The following MRTFA variants were observed in gnomAD, a reference collection of about 807,000 sequenced individuals.
MRTFA encodes the protein myocardin-related transcription factor A.
MRTFA carries 20 observed loss-of-function variants against 83.5 expected under a neutral mutation model. That is an observed-to-expected ratio of 0.24 (90% CI 0.17 to 0.35). The LOEUF (loss-of-function observed/expected upper bound fraction) is 0.35. MRTFA is among the 10% of genes least tolerant of loss of function. The pLI, the probability that MRTFA is intolerant of heterozygous loss-of-function variation, is 1.00. For missense variants in MRTFA, 1,200 were observed against 1,224.7 expected, an observed-to-expected ratio of 0.98 and a Z score of 0.30; for synonymous variants, 659 against 541.2, an observed-to-expected ratio of 1.22 and a Z score of -3.02.
At chr22:40,498,489 T>C (rs918674582) in intron 3 of MRTFA, among the ~76,000 whole-genome samples, 2 of 151,040 alleles carry the variant, frequency 1.3e-5, no homozygotes, top group African/African-American at 4.9e-5. Flanking sequence ...TTCACCATGT[T>C]GCGCAGGTTG....
At chr22:40,466,269 G>A (rs1477241420) in intron 3 of MRTFA, among the ~76,000 whole-genome samples, 1 of 152,204 alleles carries the variant, frequency 6.6e-6, no homozygotes, top group East Asian at 1.9e-4. Flanking sequence ...GTGCTACTAT[G>A]TGTCAGACCC....
intron 4 of MRTFA, among the ~76,000 whole-genome samples, chr22:40,440,841 C>T (rs539580948): frequency 2.0e-5 from 3 of 152,070 alleles, no homozygotes; most frequent in Non-Finnish European, 2.9e-5. Flanking sequence ...AGGTAAGACA[C>T]GAGGAAGCAG....
At chr22:40,596,880 C>T (rs2056199140) in intron 1 of MRTFA, among the ~76,000 whole-genome samples, 1 of 151,938 alleles carries the variant, frequency 6.6e-6, no homozygotes, top group Non-Finnish European at 1.5e-5. Context: ...GAGGCTGAGG[C>T]ATGAGAATCA....
chr22:40,489,330 T>C (rs2054229841), intron 3 of MRTFA, among the ~76,000 whole-genome samples: 2 of 151,956 alleles, frequency 1.3e-5, no homozygotes, highest in Admixed American at 6.6e-5. Context: ...TGTGTATCTG[T>C]AGAAGACATA....
chr22:40,459,830 C>CATACATATATATATAT (rs1555973834), intron 4 of MRTFA, among the ~76,000 whole-genome samples: 2 of 86,952 alleles, frequency 2.3e-5, no homozygotes, highest in African/African-American at 4.9e-5. Context: ...CACATATATA[C>CATACATATATATATAT]ATATATATAT....
intron 1 of MRTFA, among the ~76,000 whole-genome samples, chr22:40,629,067 A>C (rs2056611885): frequency 6.6e-6 from 1 of 151,968 alleles, no homozygotes; most frequent in African/African-American, 2.4e-5. Context: ...AGGCAGGAGG[A>C]TTGCTGTGGC....
At chr22:40,583,643 G>A (rs2055981911) in intron 2 of MRTFA, among the ~76,000 whole-genome samples, 1 of 152,212 alleles carries the variant, frequency 6.6e-6, no homozygotes, top group African/African-American at 2.4e-5. Context: ...CAGATCAGCA[G>A]TGGCATTAGA....
Position 40,411,825 on chromosome 22 carries a change from C to T in MRTFA, c.2661G>A (p.Leu887=). Residue 887 remains leucine, a synonymous_variant, in exon 15 of 15, where the codon CTG becomes CTA. Transcript: ENST00000355630. ...CAGCAGAAGGTGATGGCTGTGCTGCCAGGGGGGACCCACAGACTGTCTTCG... is the reference window on the plus strand; with the variant it reads ...CAGCAGAAGGTGATGGCTGTGCTGCTAGGGGGGACCCACAGACTGTCTTCG... The T allele has an allele frequency of 6.6e-7, 1 of 1,513,536 alleles. No individual in the cohort carries two copies. The highest frequency in any genetic ancestry group is 8.9e-7 in the Non-Finnish European group (1 of 1,127,914). The allele number at this position is 1,513,536 out of a possible 1,614,324, so 93.8% of individuals were successfully genotyped here. A position where few individuals can be genotyped will look rare whatever the true frequency, so the allele number is the denominator to read the frequency against.
chr22:40,426,973 G>C (rs890036747), intron 7 of MRTFA, among the ~76,000 whole-genome samples: 1 of 152,212 alleles, frequency 6.6e-6, no homozygotes, highest in African/African-American at 2.4e-5. Flanking sequence ...CTTCCTACCA[G>C]GCAGCACTGG....
intron 1 of MRTFA, among the ~76,000 whole-genome samples, chr22:40,606,654 A>G (rs1214223359): frequency 6.6e-6 from 1 of 152,210 alleles, no homozygotes; most frequent in Non-Finnish European, 1.5e-5. Context: ...GTGTGTGTGC[A>G]TGTGTATATG....
intron 3 of MRTFA, among the ~76,000 whole-genome samples, chr22:40,502,976 T>C (rs1366069037): frequency 6.6e-6 from 1 of 152,136 alleles, no homozygotes; most frequent in African/African-American, 2.4e-5. Flanking sequence ...CTTCTCCACT[T>C]TTCCCATCCC....
intron 1 of MRTFA, among the ~76,000 whole-genome samples, chr22:40,617,500 GT>G (rs1249878359): frequency 6.6e-6 from 1 of 152,124 alleles, no homozygotes; most frequent in Non-Finnish European, 1.5e-5. Context: ...GCCGAGGCCG[GT>G]GGATCACAAG....
At chr22:40,614,143 A>G (rs973953675) in intron 1 of MRTFA, among the ~76,000 whole-genome samples, 1 of 152,038 alleles carries the variant, frequency 6.6e-6, no homozygotes. Context: ...CAGAGGTTGC[A>G]GTAAGCCGGG....
intron 4 of MRTFA, among the ~76,000 whole-genome samples, chr22:40,442,574 C>T (rs1788498251): frequency 7.3e-6 from 1 of 137,860 alleles, no homozygotes; most frequent in African/African-American, 2.7e-5. Context: ...ATAAGCAGCC[C>T]TTAAGTAAGC....
chr22:40,438,021 G>A (rs79951293), intron 4 of MRTFA, among the ~76,000 whole-genome samples: 31 of 152,200 alleles, frequency 2.0e-4, no homozygotes, highest in Non-Finnish European at 4.0e-4. Context: ...AGGATTCTGC[G>A]GCAGAGCTCT....
At chr22:40,520,040 G>A (rs1211649281) in intron 3 of MRTFA, among the ~76,000 whole-genome samples, 1 of 152,048 alleles carries the variant, frequency 6.6e-6, no homozygotes, top group Non-Finnish European at 1.5e-5. Context: ...GTATAACCAC[G>A]ACAATAAAGA....
At chr22:40,613,822 ACTG>A (rs2056415802) in intron 1 of MRTFA, among the ~76,000 whole-genome samples, 1 of 152,182 alleles carries the variant, frequency 6.6e-6, no homozygotes, top group African/African-American at 2.4e-5. Context: ...AAGTGGGAGA[ACTG>A]CTTGAACACA....
intron 2 of MRTFA, among the ~76,000 whole-genome samples, chr22:40,585,108 C>CAA (rs1049455897): frequency 2.0e-5 from 3 of 152,110 alleles, no homozygotes; most frequent in Non-Finnish European, 4.4e-5. Context: ...AAAAATATTA[C>CAA]AAGTCCAGAG....
At chr22:40,479,976 A>G (rs917918455) in intron 3 of MRTFA, among the ~76,000 whole-genome samples, 3 of 152,180 alleles carry the variant, frequency 2.0e-5, no homozygotes, top group African/African-American at 7.2e-5. Flanking sequence ...GCTTATGAAA[A>G]TCTAACTTAA....
Sources: gnomAD v4.1 joint callset for allele counts (sites outside exome capture counted in the v4.1 genomes callset) on GRCh38, gnomAD v4.1.1 for gene constraint, MANE v1.5 for transcripts, NCBI Gene and HGNC (gene_info 2026-07-23, HGNC 2026-07-21) for gene names.